The following PUM3 variants were observed in gnomAD, a reference collection of about 807,000 sequenced individuals.
PUM3 encodes the protein pumilio RNA binding family member 3, also known as pumilio homolog 3.
Under a neutral mutation model 84.0 loss-of-function variants are expected in PUM3, and 91 were observed. That is an observed-to-expected ratio of 1.08 (90% CI 0.91 to 1.29). The LOEUF (loss-of-function observed/expected upper bound fraction) is 1.29, where lower values mean the gene tolerates loss of function less well. Among genes scored for constraint, PUM3 ranks in the 50% most tolerant of loss-of-function variants. The pLI is 0.00. For synonymous variants in PUM3, 321 were observed against 266.7 expected, an observed-to-expected ratio of 1.20 and a Z score of -1.98; for missense variants, 1,067 against 767.5, an observed-to-expected ratio of 1.39 and a Z score of -4.61.
rs963060817 is a variant in PUM3 at position 2,844,032 on chromosome 9, C to G, written c.-11+13G>C. 5.1e-5 allele frequency: 8 copies of G among 155,654 alleles called. No homozygotes were observed. The highest frequency in any genetic ancestry group is 1.9e-4 in the African/African-American group (8 of 41,464). The allele number at this position is 155,654 out of a possible 1,614,324, so 9.6% of individuals were successfully genotyped here. A position where few individuals can be genotyped will look rare whatever the true frequency, so the allele number is the denominator to read the frequency against. On this transcript the variant is annotated intron_variant, in intron 1 of 17. Transcript: ENST00000397885. ...CCCCTCCCAAGAGCGACCGCTGAGC[C>G]TGCCACACTCACCGCACACGTGGGA...
chr9:2,827,241 T>A, intron 9 of PUM3, 90 bp from the exon 10 acceptor site: 1 of 817,192 alleles, frequency 1.2e-6, no homozygotes, highest in Non-Finnish European at 1.9e-6. Flanking sequence ...TAAAGTAATC[T>A]AAACAAGTGA....
chr9:2,842,605 G>C (rs539274990), intron 1 of PUM3, among the ~76,000 whole-genome samples: 2 of 151,936 alleles, frequency 1.3e-5, no homozygotes, highest in Admixed American at 6.6e-5. Flanking sequence ...TTTGCCCTAG[G>C]GAACTTCCCT....
At chr9:2,830,666 G>T (rs1017175570) in intron 7 of PUM3, among the ~76,000 whole-genome samples, 4 of 152,122 alleles carry the variant, frequency 2.6e-5, no homozygotes, top group Admixed American at 1.3e-4. Flanking sequence ...TAAAACTTTT[G>T]AATGCCAACA....
At chr9:2,825,488 T>TC (rs952853596) in intron 10 of PUM3, among the ~76,000 whole-genome samples, 2 of 151,900 alleles carry the variant, frequency 1.3e-5, no homozygotes, top group African/African-American at 4.9e-5. Flanking sequence ...ATTTACATTT[T>TC]CTTTTTTTTT....
Position 2,827,082 on chromosome 9 carries a change from T to C in PUM3, c.1026A>G (p.Lys342=), listed in dbSNP as rs370793554. The C allele has an allele frequency of 4.0e-5, 65 of 1,608,148 alleles. No homozygotes were observed. The African/African-American group carries it at 7.4e-4, about 18-fold the overall frequency. Reference sequence around the variant, plus strand: ...AAAACCAAGAACTTACTGATCTGAGTTTGGGGGGTGCATAGGTAAAAAAGT... The same window carrying C: ...AAAACCAAGAACTTACTGATCTGAGCTTGGGGGGTGCATAGGTAAAAAAGT... ...FLDFFTYAPP[K]LRSEMIEAIR... The change falls in exon 10 of 18, where the codon AAA becomes AAG. Residue 342 remains lysine (K), a synonymous_variant. Coordinates refer to ENST00000397885, the MANE Select transcript of PUM3 (RefSeq NM_014878.5).
chr9:2,816,598 G>A (rs934295153), intron 13 of PUM3, among the ~76,000 whole-genome samples: 5 of 152,154 alleles, frequency 3.3e-5, no homozygotes, highest in Non-Finnish European at 7.4e-5. Context: ...GCTGAATGGT[G>A]CCCACCACCT....
rs760659549 is a variant in PUM3 at position 2,804,471 on chromosome 9, G to A, written c.1815-8C>T. 7.5e-6 allele frequency: 12 copies of A among 1,603,792 alleles called. No individual in the cohort carries two copies. The East Asian group carries it at 2.5e-4, about 33-fold the overall frequency. The stretch of plus-strand genomic sequence containing the variant: ...TCACAACTCTGGAGGAGGCTGAAGA[G>A]AGGAAAAAAATTAAATTTCATAAGC... On this transcript the variant is annotated splice_polypyrimidine_tract_variant and splice_region_variant and intron_variant, in intron 17 of 17. Transcript: ENST00000397885.
Position 2,804,344 on chromosome 9 carries a change from T to G in PUM3, c.1934A>C (p.Lys645Thr). 6.2e-7 allele frequency: 1 copy of G among 1,613,662 alleles called. No individual in the cohort carries two copies. The highest frequency in any genetic ancestry group is 2.2e-5 in the East Asian group (1 of 44,856). ...TSKGIEILLE[K>T]LST Reference sequence around the variant, plus strand: ...AACTCTTTCCACCTATGTGCTCAGTTTTTCAAGTAGAATTTCTATTCCTTT... The same window carrying G: ...AACTCTTTCCACCTATGTGCTCAGTGTTTCAAGTAGAATTTCTATTCCTTT... The change falls in exon 18 of 18, where the codon AAA (lysine) becomes ACA (threonine). Residue 645 changes from lysine to threonine, a missense_variant. Lys to Thr is a moderately conservative substitution (Grantham distance 78). Transcript: ENST00000397885.
intron 17 of PUM3, among the ~76,000 whole-genome samples, chr9:2,806,632 A>C (rs1203985819): frequency 6.6e-6 from 1 of 152,230 alleles, no homozygotes; most frequent in Non-Finnish European, 1.5e-5. Flanking sequence ...TCTTAACAGA[A>C]GGTTTTCATC....
At chr9:2,811,761 A>G (rs1051671419) in intron 14 of PUM3, among the ~76,000 whole-genome samples, 178 bp from the exon 15 acceptor site, 11 of 152,062 alleles carry the variant, frequency 7.2e-5, no homozygotes, top group Admixed American at 3.3e-4. Flanking sequence ...CTGTTTTTAA[A>G]AATGTTTGTG....
chr9:2,806,366 G>A (rs1034040249), intron 17 of PUM3, among the ~76,000 whole-genome samples: 15 of 152,212 alleles, frequency 9.9e-5, no homozygotes, highest in Admixed American at 3.3e-4. Context: ...TATATTTGGA[G>A]ACACTGACAT....
chr9:2,827,649 C>G (rs1318812877), intron 9 of PUM3, among the ~76,000 whole-genome samples: 1 of 152,226 alleles, frequency 6.6e-6, no homozygotes, highest in Admixed American at 6.5e-5. Context: ...CCTAGTGTGA[C>G]ACTTGGTGGA....
chr9:2,811,194 G>T (rs867610528), intron 15 of PUM3, among the ~76,000 whole-genome samples, 167 bp downstream of exon 15: 2 of 152,190 alleles, frequency 1.3e-5, no homozygotes, highest in Non-Finnish European at 2.9e-5. Flanking sequence ...GACCCAGATG[G>T]TTAGAGAAAA....
Position 2,837,317 on chromosome 9 carries a change from C to T in PUM3, c.167G>A (p.Ser56Asn). The stretch of plus-strand genomic sequence containing the variant: ...ACCCTTTTTCCCAAGTTTTGTGATA[C>T]TTTTCTCAAAGTTCCTAGATGTGAC... Reference protein sequence around the residue: ...PKVTSRNFEKSITKLGKKGVK... With the variant: ...PKVTSRNFEKNITKLGKKGVK... The change falls in exon 3 of 18, where the codon AGT (serine) becomes AAT (asparagine). Residue 56 changes from serine to asparagine, a missense_variant. Transcript: ENST00000397885. 1 of 1,613,912 alleles carries T rather than the reference C, an allele frequency of 6.2e-7. No homozygotes were observed. The highest frequency in any genetic ancestry group is 1.1e-5 in the South Asian group (1 of 91,070).
rs199616112 is a variant in PUM3, at chr9:2,829,880, G to A, written c.746C>T (p.Ala249Val). ...KGHVRKMLRH[A>V]EASAIVEYAY... ...GTACTCCACGATGGCTGATGCTTCC[G>A]CATGCCGCAGCATCTTCCTCACGTG... The change falls in exon 8 of 18, where the codon GCG becomes GTG. Residue 249 changes from alanine (A) to valine (V), a missense_variant. Physicochemically the swap from Ala to Val is moderately conservative, Grantham distance 64. Coordinates refer to ENST00000397885, the MANE Select transcript of PUM3 (RefSeq NM_014878.5). The A allele has an allele frequency of 6.2e-6, 10 of 1,613,778 alleles. No individual in the cohort carries two copies. Among genetic ancestry groups the A allele is most frequent in the Non-Finnish European group, 7.6e-6 (9 of 1,179,756 alleles).
chr9:2,822,680 T>C (rs1362247379), intron 12 of PUM3, among the ~76,000 whole-genome samples: 2 of 149,568 alleles, frequency 1.3e-5, no homozygotes, highest in Non-Finnish European at 3.0e-5. Context: ...AAAATTTACT[T>C]AATATTGAAT....
chr9:2,835,962 T>C (rs764573236), intron 3 of PUM3, among the ~76,000 whole-genome samples: 4 of 151,934 alleles, frequency 2.6e-5, no homozygotes, highest in Non-Finnish European at 5.9e-5. Flanking sequence ...AAAGAAAGAT[T>C]TGGGATCTAG....
rs536762682 is a variant in PUM3, at chr9:2,816,067, G to A, written c.1270-3705C>T. 1.1e-4 allele frequency among the ~76,000 whole-genome samples: 16 copies of A among 152,286 alleles called. No individual in the cohort carries two copies. The South Asian group carries it at 3.1e-3, about 30-fold the overall frequency. On this transcript the variant is annotated intron_variant, in intron 13 of 17. Coordinates refer to ENST00000397885, the MANE Select transcript of PUM3 (RefSeq NM_014878.5). ...CACATGAAGTAGGGTTAAGGCGTGTGCGTTTTTGGTTGAGGGTAGAAATGT... is the reference window on the plus strand; with the variant it reads ...CACATGAAGTAGGGTTAAGGCGTGTACGTTTTTGGTTGAGGGTAGAAATGT...
chr9:2,838,381 C>G (rs765914072), intron 2 of PUM3, 45 bp downstream of exon 2: 21 of 1,293,116 alleles, frequency 1.6e-5, no homozygotes, highest in Non-Finnish European at 2.0e-5. Context: ...CCCTCCCATC[C>G]CCCAATTATA....
Sources: gnomAD v4.1 joint callset for allele counts (sites outside exome capture counted in the v4.1 genomes callset) on GRCh38, gnomAD v4.1.1 for gene constraint, MANE v1.5 for transcripts, NCBI Gene and HGNC (gene_info 2026-07-23, HGNC 2026-07-21) for gene names.